The following RAP1GDS1 variants were observed in gnomAD, a reference collection of about 807,000 sequenced individuals.
RAP1GDS1 encodes the protein RAP1, GTP-GDP dissociation stimulator 1.
Under a neutral mutation model 71.1 loss-of-function variants are expected in RAP1GDS1, and 35 were observed. The observed-to-expected ratio is 0.49, with a 90% confidence interval of 0.38 to 0.65. The LOEUF is 0.65. RAP1GDS1 is among the 30% of genes least tolerant of loss of function. The pLI, the probability that RAP1GDS1 is intolerant of heterozygous loss-of-function variation, is 0.00. For synonymous variants in RAP1GDS1, 229 were observed against 243.1 expected, an observed-to-expected ratio of 0.94 and a Z score of 0.54; for missense variants, 663 against 706.1, an observed-to-expected ratio of 0.94 and a Z score of 0.69.
At chr4:98,376,979 T>C (rs1394702041) in intron 4 of RAP1GDS1, among the ~76,000 whole-genome samples, 1 of 151,972 alleles carries the variant, frequency 6.6e-6, no homozygotes, top group Non-Finnish European at 1.5e-5. Context: ...TATTGAATTA[T>C]GGAATTTTTG....
chr4:98,364,959 A>C (rs1056047089), intron 4 of RAP1GDS1, among the ~76,000 whole-genome samples: 5 of 152,128 alleles, frequency 3.3e-5, no homozygotes, highest in Admixed American at 3.3e-4. Context: ...TCAAGGCTGC[A>C]GTGAACTCTG....
chr4:98,425,194 A>G (rs1012364606), intron 12 of RAP1GDS1, among the ~76,000 whole-genome samples: 3 of 152,196 alleles, frequency 2.0e-5, no homozygotes. Flanking sequence ...TACTGAGAGA[A>G]TTCACCACTA....
chr4:98,303,048 A>AT (rs1465811933), intron 2 of RAP1GDS1, among the ~76,000 whole-genome samples: 3 of 151,146 alleles, frequency 2.0e-5, no homozygotes, highest in East Asian at 1.9e-4. Context: ...TCAGTCTCAA[A>AT]TAAAAAAAAA....
chr4:98,399,187 AGAAC>A (rs1744992519), intron 6 of RAP1GDS1, among the ~76,000 whole-genome samples: 1 of 152,234 alleles, frequency 6.6e-6, no homozygotes. Context: ...ATAAGACGTC[AGAAC>A]ACAGGCAACG....
intron 4 of RAP1GDS1, among the ~76,000 whole-genome samples, chr4:98,357,210 T>C (rs1190191930): frequency 6.6e-6 from 1 of 151,946 alleles, no homozygotes; most frequent in African/African-American, 2.4e-5. Flanking sequence ...CCAATTAGGT[T>C]ATTTGATGAG....
chr4:98,369,380 A>G (rs1047533502), intron 4 of RAP1GDS1, among the ~76,000 whole-genome samples: 2 of 152,182 alleles, frequency 1.3e-5, no homozygotes, highest in African/African-American at 2.4e-5. Flanking sequence ...TAGCTGTTTT[A>G]TTCCTAGATA....
intron 2 of RAP1GDS1, among the ~76,000 whole-genome samples, chr4:98,331,609 T>G (rs1734027283): frequency 6.6e-6 from 1 of 152,218 alleles, no homozygotes; most frequent in Non-Finnish European, 1.5e-5. Context: ...ATCTGTAACA[T>G]ACACATACAT....
intron 1 of RAP1GDS1, among the ~76,000 whole-genome samples, chr4:98,262,905 A>G (rs973846471): frequency 1.3e-5 from 2 of 152,226 alleles, no homozygotes; most frequent in Non-Finnish European, 2.9e-5. Context: ...GGTGGTATGA[A>G]TCAAAAAAGG....
intron 2 of RAP1GDS1, among the ~76,000 whole-genome samples, chr4:98,342,546 C>G (rs1040562985): frequency 3.3e-5 from 5 of 151,998 alleles, no homozygotes; most frequent in African/African-American, 1.2e-4. Context: ...TTCTGTATCA[C>G]CAAATAGAGT....
At chr4:98,359,894 A>C (rs1449930969) in intron 4 of RAP1GDS1, among the ~76,000 whole-genome samples, 1 of 152,202 alleles carries the variant, frequency 6.6e-6, no homozygotes, top group Non-Finnish European at 1.5e-5. Flanking sequence ...ATTATATTGT[A>C]AAGTGAGAGA....
intron 2 of RAP1GDS1, among the ~76,000 whole-genome samples, chr4:98,337,568 T>C (rs1418369666): frequency 6.6e-6 from 1 of 152,186 alleles, no homozygotes; most frequent in African/African-American, 2.4e-5. Flanking sequence ...AATGAAGAGA[T>C]TAATGTGTTT....
At chr4:98,361,847 T>C (rs1161343400) in intron 4 of RAP1GDS1, among the ~76,000 whole-genome samples, 1 of 152,236 alleles carries the variant, frequency 6.6e-6, no homozygotes, top group African/African-American at 2.4e-5. Context: ...AATTGCAAAT[T>C]GCATGCTTCT....
chr4:98,394,831 A>G (rs1452699424), intron 6 of RAP1GDS1, among the ~76,000 whole-genome samples: 1 of 152,100 alleles, frequency 6.6e-6, no homozygotes, highest in Non-Finnish European at 1.5e-5. Flanking sequence ...ATTTCTCCAA[A>G]AGTGCCTTGC....
chr4:98,300,899 T>C (rs1034164750), intron 2 of RAP1GDS1, among the ~76,000 whole-genome samples: 2 of 152,236 alleles, frequency 1.3e-5, no homozygotes, highest in Non-Finnish European at 2.9e-5. Flanking sequence ...GTAAAAACTT[T>C]TGTTGTCATT....
intron 1 of RAP1GDS1, among the ~76,000 whole-genome samples, chr4:98,283,148 A>T (rs1725428354): frequency 6.6e-6 from 1 of 152,234 alleles, no homozygotes; most frequent in Non-Finnish European, 1.5e-5. Flanking sequence ...AAGTAACTTC[A>T]TGAAAGATGA....
At chr4:98,317,782 C>G (rs552562647) in intron 2 of RAP1GDS1, among the ~76,000 whole-genome samples, 2 of 150,790 alleles carry the variant, frequency 1.3e-5, no homozygotes, top group African/African-American at 4.9e-5. Context: ...ACGCGATGCT[C>G]TATGCTGTTA....
chr4:98,291,872 A>G (rs1274279407), intron 1 of RAP1GDS1, among the ~76,000 whole-genome samples: 1 of 152,168 alleles, frequency 6.6e-6, no homozygotes, highest in Non-Finnish European at 1.5e-5. Context: ...GGAAGCTTTC[A>G]TATTGTTTCG....
intron 2 of RAP1GDS1, chr4:98,296,908 C>T (rs905892696): frequency 5.1e-6 from 2 of 392,950 alleles, no homozygotes; most frequent in African/African-American, 4.4e-5. Flanking sequence ...CCATTTTATT[C>T]CATTTTGAGG....
intron 4 of RAP1GDS1, among the ~76,000 whole-genome samples, chr4:98,362,323 TA>T (rs1367376634): frequency 1.3e-5 from 2 of 151,926 alleles, no homozygotes; most frequent in Non-Finnish European, 2.9e-5. Context: ...CTACAAAAAA[TA>T]AATTTAGCTG....
Sources: gnomAD v4.1 joint callset for allele counts (sites outside exome capture counted in the v4.1 genomes callset) on GRCh38, gnomAD v4.1.1 for gene constraint, MANE v1.5 for transcripts, NCBI Gene and HGNC (gene_info 2026-07-23, HGNC 2026-07-21) for gene names.